The following EFR3A variants were observed in gnomAD, a reference collection of about 807,000 sequenced individuals.
EFR3A encodes the protein protein EFR3 homolog A.
Under a neutral mutation model 104.4 loss-of-function variants are expected in EFR3A, and 76 were observed. The observed-to-expected ratio is 0.73, with a 90% CI of 0.60 to 0.88. The LOEUF is 0.88. Ranked by LOEUF, EFR3A falls within the 40% of genes least tolerant of loss-of-function variation. The pLI, the probability that EFR3A is intolerant of heterozygous loss-of-function variation, is 0.00. For missense variants in EFR3A, 985 were observed against 1,012.5 expected (o/e 0.97, Z 0.37); for synonymous variants, 330 against 330.0 (o/e 1.00, Z 0.00).
At chr8:131,938,710 C>G (rs140519740) in intron 1 of EFR3A, among the ~76,000 whole-genome samples, 22 of 152,142 alleles carry the variant, frequency 1.4e-4, no homozygotes, top group African/African-American at 5.3e-4. Flanking sequence ...TAGAAATTTG[C>G]TGGTACTTGA....
chr8:131,982,345 G>A (rs775180169), intron 14 of EFR3A, among the ~76,000 whole-genome samples: 13 of 151,848 alleles, frequency 8.6e-5, no homozygotes, highest in Admixed American at 1.3e-4. Flanking sequence ...GTGTGGCTTC[G>A]ATAGTATTCC....
chr8:131,976,013 TA>T lies in EFR3A; in HGVS notation c.1160-12del. 1 of 1,509,138 alleles carries T rather than the reference TA, an allele frequency of 6.6e-7. No individual in the cohort carries two copies. Among genetic ancestry groups the T allele is most frequent in the Middle Eastern group, 1.8e-4 (1 of 5,464 alleles). 93.5% of individuals were successfully genotyped at this position (1,509,138 alleles called of 1,614,324 possible). ...CTTTTTCAGTTTCTAAAATTTGTCT[TA>T]ATACTTTCATAGGATTTTTTGGAAG... On this transcript the variant is annotated splice_polypyrimidine_tract_variant and intron_variant, in intron 10 of 22. Transcript: ENST00000254624.
chr8:131,972,448 T>C (rs1586630975), intron 10 of EFR3A, among the ~76,000 whole-genome samples: 1 of 151,740 alleles, frequency 6.6e-6, no homozygotes, highest in South Asian at 2.1e-4. Flanking sequence ...TTTTCTTTCT[T>C]TTTTAAATTT....
intron 19 of EFR3A, among the ~76,000 whole-genome samples, chr8:131,996,914 C>G (rs1381637402): frequency 6.6e-6 from 1 of 152,108 alleles, no homozygotes; most frequent in South Asian, 2.1e-4. Context: ...TCATGTGAAG[C>G]CAAATGCTGA....
chr8:131,917,793 A>T (rs1013064383), intron 1 of EFR3A, among the ~76,000 whole-genome samples: 1 of 152,162 alleles, frequency 6.6e-6, no homozygotes, highest in East Asian at 1.9e-4. Context: ...TCCATGCGTC[A>T]GTAGTAGTAA....
intron 8 of EFR3A, among the ~76,000 whole-genome samples, chr8:131,963,147 C>G (rs1339089392): frequency 6.6e-6 from 1 of 152,094 alleles, no homozygotes; most frequent in Non-Finnish European, 1.5e-5. Flanking sequence ...ACCCTAACAT[C>G]ACAATTAAAA....
At chr8:131,937,883 C>G (rs1817985257) in intron 1 of EFR3A, among the ~76,000 whole-genome samples, 1 of 150,234 alleles carries the variant, frequency 6.7e-6, no homozygotes, top group South Asian at 2.1e-4. Context: ...GGATCAGAAG[C>G]TAGGATAAGG....
intron 1 of EFR3A, among the ~76,000 whole-genome samples, chr8:131,921,317 G>T (rs1453433046): frequency 6.6e-6 from 1 of 152,050 alleles, no homozygotes; most frequent in Non-Finnish European, 1.5e-5. Flanking sequence ...CTGTATGTGT[G>T]TCTGTCTCTA....
At chr8:131,917,851 A>G (rs1816819895) in intron 1 of EFR3A, among the ~76,000 whole-genome samples, 1 of 152,196 alleles carries the variant, frequency 6.6e-6, no homozygotes. Flanking sequence ...TAATACATTG[A>G]ATTCTTAGGG....
intron 22 of EFR3A, among the ~76,000 whole-genome samples, chr8:132,010,569 C>T (rs2130827093): frequency 6.6e-6 from 1 of 151,666 alleles, no homozygotes; most frequent in East Asian, 1.9e-4. Flanking sequence ...ATTGTATATA[C>T]ATATTTTCCA....
chr8:131,965,436 T>G (rs1176167778), intron 8 of EFR3A, among the ~76,000 whole-genome samples: 3 of 152,202 alleles, frequency 2.0e-5, no homozygotes, highest in Non-Finnish European at 4.4e-5. Context: ...AAGACATTTA[T>G]GCAGCCAAAA....
chr8:131,911,373 A>G (rs1757367370), intron 1 of EFR3A, among the ~76,000 whole-genome samples: 1 of 152,178 alleles, frequency 6.6e-6, no homozygotes, highest in Admixed American at 6.5e-5. Context: ...ATATTCAGTA[A>G]GGCTTTTCTA....
intron 19 of EFR3A, chr8:132,001,109 A>T (rs529296397): frequency 6.6e-6 from 1 of 152,342 alleles, no homozygotes; most frequent in South Asian, 2.1e-4. Context: ...ACTGACTTTT[A>T]TCATAAAGCG....
rs1469336720 is a variant in EFR3A at position 131,955,807 on chromosome 8, A to G, written c.678A>G (p.Lys226=). ...GPPSSPSATD[K]EENPAVLAEN... is the part of the protein sequence containing the mutation. ...CTTCTTCTCCTTCTGCAACTGACAA[A>G]GAAGAGAATCCTGCTGTGCTGGCTG... Residue 226 remains lysine, a synonymous_variant, in exon 7 of 23, where the codon AAA becomes AAG. Coordinates refer to ENST00000254624, the MANE Select transcript of EFR3A (RefSeq NM_015137.6). 1.9e-6 allele frequency: 3 copies of G among 1,613,294 alleles called. No individual in the cohort carries two copies. The highest frequency in any genetic ancestry group is 2.5e-6 in the Non-Finnish European group (3 of 1,179,506).
At chr8:131,955,275 A>G (rs1478519292) in intron 6 of EFR3A, among the ~76,000 whole-genome samples, 1 of 152,184 alleles carries the variant, frequency 6.6e-6, no homozygotes, top group Non-Finnish European at 1.5e-5. Context: ...TTAGCCTAAA[A>G]TAATGTTTCA....
At chr8:131,950,178 A>G (rs1317607329) in intron 5 of EFR3A, 88 bp downstream of exon 5, 4 of 1,325,324 alleles carry the variant, frequency 3.0e-6, no homozygotes, top group Non-Finnish European at 4.1e-6. Context: ...ACCAGAGGAA[A>G]CAATAATATG....
intron 1 of EFR3A, among the ~76,000 whole-genome samples, chr8:131,937,576 GTTTTCTC>G (rs1473432186): frequency 6.6e-6 from 1 of 152,108 alleles, no homozygotes; most frequent in African/African-American, 2.4e-5. Context: ...ATAGTGGATA[GTTTTCTC>G]TTTTATGTGC....
At chr8:131,961,792 T>C (rs1352656938) in intron 8 of EFR3A, among the ~76,000 whole-genome samples, 1 of 152,044 alleles carries the variant, frequency 6.6e-6, no homozygotes, top group Non-Finnish European at 1.5e-5. Flanking sequence ...GGAAAAAATA[T>C]TAAGGGCAGC....
intron 17 of EFR3A, among the ~76,000 whole-genome samples, chr8:131,987,000 T>A (rs946607138): frequency 6.6e-6 from 1 of 152,150 alleles, no homozygotes; most frequent in Non-Finnish European, 1.5e-5. Flanking sequence ...TCCGTGTTAT[T>A]TCCTGCATTA....
Sources: gnomAD v4.1 joint callset for allele counts (sites outside exome capture counted in the v4.1 genomes callset) on GRCh38, gnomAD v4.1.1 for gene constraint, MANE v1.5 for transcripts, NCBI Gene and HGNC (gene_info 2026-07-23, HGNC 2026-07-21) for gene names.